The following CDIN1 variants were observed in gnomAD, a reference collection of about 807,000 sequenced individuals.
CDIN1 encodes the protein CDAN1-interacting nuclease 1.
CDIN1 carries 33 observed loss-of-function variants against 45.3 expected under a neutral mutation model. That is an observed-to-expected ratio of 0.73 (90% CI 0.55 to 0.97). The LOEUF is 0.97. Among genes scored for constraint, CDIN1 ranks in the 50% least tolerant of loss-of-function variants. The pLI is 0.00. For missense variants in CDIN1, 303 were observed against 339.4 expected (o/e 0.89, Z 0.84); for synonymous variants, 118 against 124.4 (o/e 0.95, Z 0.34).
chr15:36,673,662 C>A (rs2041534791), intron 5 of CDIN1, among the ~76,000 whole-genome samples: 1 of 152,008 alleles, frequency 6.6e-6, no homozygotes, highest in African/African-American at 2.4e-5. Context: ...ATTGTCAAAA[C>A]TACTTTGCTT....
chr15:36,762,527 G>A (rs755493903), intron 10 of CDIN1, among the ~76,000 whole-genome samples: 7 of 152,082 alleles, frequency 4.6e-5, no homozygotes, highest in Non-Finnish European at 7.3e-5. Flanking sequence ...AAGTTCTAGG[G>A]TACATGTGCA....
At position 36,654,115 on chromosome 15, in the gene CDIN1, T is replaced by C. The variant is rs764178013; in HGVS notation, c.230T>C (p.Val77Ala). 6.3e-7 allele frequency: 1 copy of C among 1,579,170 alleles called. No homozygotes were observed. The highest frequency in any genetic ancestry group is 1.2e-5 in the South Asian group (1 of 86,114). ...SYYQRYLNGVVKNGAAPVLLD... is the reference protein window; with the variant it reads ...SYYQRYLNGVAKNGAAPVLLD... Reference sequence around the variant, plus strand: ...TTGTCTAGGTACCTGAATGGAGTGGTGAAAAATGGAGCTGCCCCAGTGCTC... The same window carrying C: ...TTGTCTAGGTACCTGAATGGAGTGGCGAAAAATGGAGCTGCCCCAGTGCTC... Residue 77 changes from valine to alanine, a missense_variant, in exon 4 of 11, where the codon GTG becomes GCG. Transcript: ENST00000566621.
intron 10 of CDIN1, among the ~76,000 whole-genome samples, chr15:36,801,022 G>A (rs563625873): frequency 3.3e-4 from 49 of 146,580 alleles, no homozygotes; most frequent in Admixed American, 7.6e-4. Context: ...TAGGAATGAA[G>A]GTTTCTGTAT....
chr15:36,782,441 G>T (rs28379045), intron 10 of CDIN1, among the ~76,000 whole-genome samples: 3 of 152,090 alleles, frequency 2.0e-5, no homozygotes, highest in African/African-American at 7.2e-5. Flanking sequence ...TAATAATTTA[G>T]CATTTTTGTT....
chr15:36,702,746 A>G (rs567580114), intron 8 of CDIN1, among the ~76,000 whole-genome samples: 110 of 152,272 alleles, frequency 7.2e-4, no homozygotes, highest in African/African-American at 2.4e-3. Context: ...AAACAATATC[A>G]TTAATATCTT....
chr15:36,664,749 T>C (rs559865807), intron 5 of CDIN1, among the ~76,000 whole-genome samples: 54 of 152,290 alleles, frequency 3.5e-4, no homozygotes, highest in African/African-American at 1.2e-3. Flanking sequence ...GGTTTCACCA[T>C]GTTAGCCAGG....
intron 1 of CDIN1, among the ~76,000 whole-genome samples, chr15:36,599,140 G>A (rs1186226913): frequency 6.7e-6 from 1 of 148,810 alleles, no homozygotes; most frequent in African/African-American, 2.5e-5. Flanking sequence ...GAGCAGTACT[G>A]TTCTAACTAG....
intron 5 of CDIN1, among the ~76,000 whole-genome samples, chr15:36,687,051 G>C (rs567973387): frequency 1.3e-5 from 2 of 151,684 alleles, no homozygotes; most frequent in African/African-American, 4.8e-5. Flanking sequence ...AGGGAGGGAT[G>C]GAAGGAGAAA....
chr15:36,645,585 TGAAACTTATTATAA>T (rs2040293109), intron 3 of CDIN1, among the ~76,000 whole-genome samples: 1 of 151,432 alleles, frequency 6.6e-6, no homozygotes, highest in Non-Finnish European at 1.5e-5. Context: ...GTTGGCTACT[TGAAACTTATTATAA>T]GTGCATATCC....
At chr15:36,711,490 T>A (rs1053993674) in intron 10 of CDIN1, among the ~76,000 whole-genome samples, 1 of 152,206 alleles carries the variant, frequency 6.6e-6, no homozygotes, top group African/African-American at 2.4e-5. Context: ...GTCACCTAGA[T>A]GATAGATTTA....
At chr15:36,724,406 A>G (rs1392446181) in intron 10 of CDIN1, among the ~76,000 whole-genome samples, 1 of 152,232 alleles carries the variant, frequency 6.6e-6, no homozygotes, top group Non-Finnish European at 1.5e-5. Context: ...GTGTTGCTGT[A>G]TTAAGTGGTT....
intron 10 of CDIN1, among the ~76,000 whole-genome samples, chr15:36,792,172 A>G (rs1362511438): frequency 6.6e-6 from 1 of 152,068 alleles, no homozygotes; most frequent in Non-Finnish European, 1.5e-5. Context: ...ATTGCTTTCA[A>G]CTCAGTGAAA....
At chr15:36,740,313 G>C (rs375749853) in intron 10 of CDIN1, among the ~76,000 whole-genome samples, 2 of 151,974 alleles carry the variant, frequency 1.3e-5, no homozygotes, top group South Asian at 4.1e-4. Context: ...TGGGGGGTGG[G>C]GAGTACCACT....
intron 5 of CDIN1, among the ~76,000 whole-genome samples, chr15:36,674,850 ACT>A (rs1299058535): frequency 2.0e-5 from 3 of 152,204 alleles, no homozygotes; most frequent in South Asian, 2.1e-4. Context: ...GGAAAATATA[ACT>A]CTCTTTTTCT....
chr15:36,587,448 T>C (rs1015465774), intron 1 of CDIN1, among the ~76,000 whole-genome samples: 2 of 152,086 alleles, frequency 1.3e-5, no homozygotes. Flanking sequence ...TGTATTGTGC[T>C]GTGTACAGTG....
intron 1 of CDIN1, among the ~76,000 whole-genome samples, chr15:36,634,836 C>T (rs982817358): frequency 6.6e-6 from 1 of 152,184 alleles, no homozygotes; most frequent in African/African-American, 2.4e-5. Flanking sequence ...TGATACATAC[C>T]ACCATTGCTC....
intron 5 of CDIN1, among the ~76,000 whole-genome samples, chr15:36,672,184 A>C (rs1217929359): frequency 6.6e-6 from 1 of 151,778 alleles, no homozygotes; most frequent in Admixed American, 6.6e-5. Flanking sequence ...AGTTTTTTGT[A>C]CTGTTTCTTT....
intron 1 of CDIN1, among the ~76,000 whole-genome samples, chr15:36,621,762 G>C (rs931139885): frequency 6.6e-6 from 1 of 152,008 alleles, no homozygotes; most frequent in South Asian, 2.1e-4. Context: ...CTCCCTTTTA[G>C]ATGGGCAAAT....
chr15:36,605,366 AT>A (rs903898838), intron 1 of CDIN1, among the ~76,000 whole-genome samples: 62 of 150,356 alleles, frequency 4.1e-4, no homozygotes, highest in East Asian at 5.9e-4. Context: ...TGTAACTTGT[AT>A]TTTTTTTTTA....
Sources: gnomAD v4.1 joint callset for allele counts (sites outside exome capture counted in the v4.1 genomes callset) on GRCh38, gnomAD v4.1.1 for gene constraint, MANE v1.5 for transcripts, NCBI Gene and HGNC (gene_info 2026-07-23, HGNC 2026-07-21) for gene names.